The following PHACTR3 variants were observed in gnomAD, a reference collection of about 807,000 sequenced individuals.
PHACTR3 encodes protein phosphatase 1, regulatory subunit 123.
Under a neutral mutation model 66.8 loss-of-function variants are expected in PHACTR3, and 16 were observed. That is an observed-to-expected ratio of 0.24 (90% CI 0.16 to 0.36). The LOEUF is 0.36. Ranked by LOEUF, PHACTR3 falls within the 10% of genes least tolerant of loss-of-function variation. The probability of loss-of-function intolerance (pLI) is 1.00; values close to 1 mark genes in which losing one functional copy is unlikely to be tolerated. For synonymous variants in PHACTR3, 323 were observed against 292.1 expected (o/e 1.11, Z -1.08); for missense variants, 647 against 719.9 (o/e 0.90, Z 1.16).
At chr20:59,814,142 G>A (rs1382375463) in intron 8 of PHACTR3, among the ~76,000 whole-genome samples, 1 of 152,200 alleles carries the variant, frequency 6.6e-6, no homozygotes, top group Non-Finnish European at 1.5e-5. Context: ...CTGGGGGTCA[G>A]GAGCGAGGGC....
chr20:59,819,812 G>A (rs1037449824), intron 8 of PHACTR3, among the ~76,000 whole-genome samples: 2 of 146,852 alleles, frequency 1.4e-5, no homozygotes, highest in Non-Finnish European at 3.0e-5. Flanking sequence ...GTGCTGTCCC[G>A]GTACTGGCCA....
At chr20:59,617,374 G>T (rs1230561390) in intron 1 of PHACTR3, among the ~76,000 whole-genome samples, 1 of 152,186 alleles carries the variant, frequency 6.6e-6, no homozygotes, top group Non-Finnish European at 1.5e-5. Context: ...CAAGCCAGTG[G>T]GCAGGAGCCC....
intron 1 of PHACTR3, among the ~76,000 whole-genome samples, chr20:59,666,562 GAC>G (rs2035995671): frequency 1.3e-5 from 2 of 152,054 alleles, no homozygotes; most frequent in African/African-American, 4.8e-5. Context: ...GACAAAGAGA[GAC>G]AGAGACAGAG....
In PHACTR3 at chr20:59,812,706, AATG is replaced by A. The variant is rs1387485219; in HGVS notation, c.1328+6513_1328+6515del. On this transcript the variant is annotated intron_variant, in intron 8 of 12. Coordinates refer to ENST00000371015, the MANE Select transcript of PHACTR3 (RefSeq NM_080672.5). The stretch of plus-strand genomic sequence containing the variant: ...GGACGGAAATTTTCACTTCCACAGA[AATG>A]GTGTTTGGTAAATTTCAGACACGTG... 2.0e-5 allele frequency among the ~76,000 whole-genome samples: 3 copies of A among 152,206 alleles called. No homozygotes were observed. The East Asian group carries it at 5.8e-4, about 29-fold the overall frequency.
At chr20:59,841,576 TAATAAAGGCAA>T in intron 11 of PHACTR3, 41 bp downstream of exon 11, 1 of 1,579,420 alleles carries the variant, frequency 6.3e-7, no homozygotes, top group Non-Finnish European at 8.6e-7. Context: ...TTGGATGATA[TAATAAAGGCAA>T]AATATGTCAT....
chr20:59,700,108 TATGTG>T (rs2037444948), intron 1 of PHACTR3, among the ~76,000 whole-genome samples: 1 of 152,266 alleles, frequency 6.6e-6, no homozygotes, highest in African/African-American at 2.4e-5. Flanking sequence ...TTATTCACGA[TATGTG>T]TGTTTGTCAC....
At position 59,767,270 on chromosome 20, in the gene PHACTR3, C is replaced by G. The variant is rs745523231; in HGVS notation, c.626C>G (p.Ala209Gly). 1 of 1,614,274 alleles carries G rather than the reference C, an allele frequency of 6.2e-7. No individual in the cohort carries two copies. The highest frequency in any genetic ancestry group is 1.1e-5 in the South Asian group (1 of 91,090). The part of the protein sequence containing the change: ...PTTNELSQAL[A>G]GADSLDSPPR... ...ACCAATGAGCTCTCCCAAGCCTTAG[C>G]TGGGGCTGACTCCCTGGACAGTCCT... The change falls in exon 5 of 13, where the codon GCT (alanine) becomes GGT (glycine). Residue 209 changes from alanine (A) to glycine (G), a missense_variant. Physicochemically the swap from Ala to Gly is moderately conservative, Grantham distance 60. Coordinates refer to ENST00000371015, the MANE Select transcript of PHACTR3 (RefSeq NM_080672.5).
At chr20:59,639,051 AGATGGATAGATGGATG>A (rs1354732761) in intron 1 of PHACTR3, among the ~76,000 whole-genome samples, 9 of 120,984 alleles carry the variant, frequency 7.4e-5, no homozygotes, top group African/African-American at 2.6e-4. Context: ...GGATAAATGG[AGATGGATAGATGGATG>A]GATGGATGGA....
rs1443416406 is a variant in PHACTR3 at position 59,785,849 on chromosome 20, T to C, written c.1174+11359T>C. 9.9e-5 allele frequency among the ~76,000 whole-genome samples: 4 copies of C among 40,526 alleles called. No individual in the cohort carries two copies. In the East Asian group the frequency reaches 1.3e-3, roughly 13 times the overall value. The allele number at this position is 40,526 out of a possible 152,430, so 26.6% of individuals were successfully genotyped here. ...GCTTCATTTTGTTTTCCAGCAGCCC[T>C]CTGCATCCCCTGCTTCTGCATCCCC... is the stretch of plus-strand genomic sequence containing the variant. On this transcript the variant is annotated intron_variant, in intron 7 of 12. Coordinates refer to ENST00000371015, the MANE Select transcript of PHACTR3 (RefSeq NM_080672.5).
intron 1 of PHACTR3, among the ~76,000 whole-genome samples, chr20:59,678,504 C>A (rs144071568): frequency 8.4e-4 from 128 of 152,234 alleles, no homozygotes; most frequent in African/African-American, 3.0e-3. Context: ...GGCAGTTTCT[C>A]TCCAGTCCTG....
At chr20:59,651,785 T>A (rs73301495) in intron 1 of PHACTR3, among the ~76,000 whole-genome samples, 1,867 of 152,282 alleles carry the variant, frequency 0.012, 34 homozygotes, top group African/African-American at 0.043. Flanking sequence ...TAGTATTCAT[T>A]AGTCAGAGTT....
chr20:59,748,580 T>C (rs2039457752), intron 3 of PHACTR3, among the ~76,000 whole-genome samples: 1 of 152,214 alleles, frequency 6.6e-6, no homozygotes, highest in African/African-American at 2.4e-5. Context: ...TCTTTCTCTT[T>C]GTGATGGATT....
intron 12 of PHACTR3, among the ~76,000 whole-genome samples, chr20:59,846,717 TTA>T (rs752768874): frequency 1.3e-5 from 2 of 152,180 alleles, no homozygotes; most frequent in Non-Finnish European, 2.9e-5. Flanking sequence ...GTATTTTTGG[TTA>T]TGAGATTTTA....
At chr20:59,742,661 G>C (rs1332121931) in intron 1 of PHACTR3, among the ~76,000 whole-genome samples, 5 of 152,218 alleles carry the variant, frequency 3.3e-5, no homozygotes, top group Non-Finnish European at 2.9e-5. Context: ...TAAGACAAGG[G>C]AGTGACCCTG....
At chr20:59,837,338 TTTC>T (rs1384122720) in intron 9 of PHACTR3, among the ~76,000 whole-genome samples, 1 of 152,218 alleles carries the variant, frequency 6.6e-6, no homozygotes, top group African/African-American at 2.4e-5. Flanking sequence ...CTGAGTTTGT[TTTC>T]TTATTTGTGA....
rs1437392893 is a variant in PHACTR3, at chr20:59,738,788, A to C, written c.119-4319A>C. Among the ~76,000 whole-genome samples, 2 of 152,104 alleles carry C rather than the reference A, an allele frequency of 1.3e-5. No homozygotes were observed. Among genetic ancestry groups the C allele is most frequent in the Non-Finnish European group, 2.9e-5 (2 of 68,016 alleles). On this transcript the variant is annotated intron_variant, in intron 1 of 12. Coordinates refer to ENST00000371015, the MANE Select transcript of PHACTR3 (RefSeq NM_080672.5). The surrounding 1 kb of genome is among the most constrained non-coding windows in gnomAD (Gnocchi z 4.4). ...GCCGATCCTTTGTGAAGGAGGTGAGATATAAATAAAGCAATGATTATGCTC... is the reference window on the plus strand; with the variant it reads ...GCCGATCCTTTGTGAAGGAGGTGAGCTATAAATAAAGCAATGATTATGCTC...
At chr20:59,586,749 G>C (rs965563029) in intron 1 of PHACTR3, among the ~76,000 whole-genome samples, 2 of 151,762 alleles carry the variant, frequency 1.3e-5, no homozygotes, top group Non-Finnish European at 2.9e-5. Context: ...CACCAGCCAG[G>C]TCCTGTCCTC....
At chr20:59,643,211 A>G (rs2035167343) in intron 1 of PHACTR3, among the ~76,000 whole-genome samples, 1 of 152,162 alleles carries the variant, frequency 6.6e-6, no homozygotes, top group African/African-American at 2.4e-5. Flanking sequence ...GCGCCGGCCT[A>G]ATTCTTCTTT....
At chr20:59,591,595 T>A (rs2033183612) in intron 1 of PHACTR3, among the ~76,000 whole-genome samples, 1 of 152,102 alleles carries the variant, frequency 6.6e-6, no homozygotes, top group Non-Finnish European at 1.5e-5. Flanking sequence ...TTTAGGGGAT[T>A]CTGCCTTCTT....
Sources: gnomAD v4.1 joint callset for allele counts (sites outside exome capture counted in the v4.1 genomes callset) on GRCh38, gnomAD v4.1.1 for gene constraint, Gnocchi (gnomAD v3.1) non-coding constraint, MANE v1.5 for transcripts, NCBI Gene and HGNC (gene_info 2026-07-23, HGNC 2026-07-21) for gene names.